CDK14: variants seen among roughly 807,000 people sequenced by gnomAD.
The protein encoded by CDK14 is cyclin dependent kinase 14.
In CDK14, 34 loss-of-function variants were observed where a neutral mutation model predicts 60.7. The observed-to-expected ratio is 0.56, with a 90% CI of 0.43 to 0.75. The LOEUF (loss-of-function observed/expected upper bound fraction) is 0.75, where lower values mean the gene tolerates loss of function less well. CDK14 is among the 30% of genes least tolerant of loss of function. CDK14 has a pLI of 0.00. For synonymous variants in CDK14, 197 were observed against 203.7 expected, an observed-to-expected ratio of 0.97 and a Z score of 0.28; for missense variants, 482 against 564.1, an observed-to-expected ratio of 0.85 and a Z score of 1.47.
chr7:90,816,603 A>G (rs904989736), intron 5 of CDK14, among the ~76,000 whole-genome samples: 2 of 152,176 alleles, frequency 1.3e-5, no homozygotes, highest in African/African-American at 4.8e-5. Context: ...GAAAGAGGAG[A>G]TATAACAAGA....
chr7:90,897,412 G>A lies in CDK14; in HGVS notation c.640-1879G>A, dbSNP rs115759038. Among the ~76,000 whole-genome samples, 1,157 of 152,064 alleles carry A rather than the reference G, an allele frequency of 7.6e-3. 17 individuals carry two copies. Among genetic ancestry groups the A allele is most frequent in the African/African-American group, 0.027 (1,115 of 41,508 alleles). On this transcript the variant is annotated intron_variant, in intron 6 of 14. Transcript: ENST00000380050. Reference sequence around the variant, plus strand: ...CATGTGATTATTGATATGGTTGGATGTACTTTTCTTTTACCATTTTGTTTC... The same window carrying A: ...CATGTGATTATTGATATGGTTGGATATACTTTTCTTTTACCATTTTGTTTC...
intron 8 of CDK14, among the ~76,000 whole-genome samples, chr7:90,920,189 T>A (rs1344651052): frequency 1.3e-5 from 2 of 152,182 alleles, no homozygotes; most frequent in Non-Finnish European, 2.9e-5. Flanking sequence ...CAGAATAGGA[T>A]GGTTCCAGGC....
At chr7:91,075,465 C>A (rs1463375313) in intron 11 of CDK14, among the ~76,000 whole-genome samples, 1 of 152,038 alleles carries the variant, frequency 6.6e-6, no homozygotes, top group East Asian at 1.9e-4. Context: ...GATGGAAGTA[C>A]CTCCAAATAA....
At chr7:90,930,264 T>G (rs1793548705) in intron 8 of CDK14, among the ~76,000 whole-genome samples, 1 of 152,174 alleles carries the variant, frequency 6.6e-6, no homozygotes, top group African/African-American at 2.4e-5. Context: ...ATTGCCAAAA[T>G]GTATGATTTG....
chr7:90,767,970 A>G (rs533544856), intron 4 of CDK14, among the ~76,000 whole-genome samples: 8 of 152,238 alleles, frequency 5.3e-5, no homozygotes, highest in Admixed American at 1.3e-4. Context: ...CTTTGTTCTC[A>G]TGTTTTTAGT....
chr7:90,749,198 G>A (rs182944644), intron 4 of CDK14, among the ~76,000 whole-genome samples: 256 of 151,796 alleles, frequency 1.7e-3, no homozygotes, highest in African/African-American at 5.9e-3. Flanking sequence ...TTCCACACCC[G>A]GGCAGATCTC....
At chr7:90,605,874 A>G (rs190241427) in intron 2 of CDK14, among the ~76,000 whole-genome samples, 25 of 152,276 alleles carry the variant, frequency 1.6e-4, no homozygotes, top group African/African-American at 5.5e-4. Flanking sequence ...TTTCTTGCTT[A>G]AACACTGTTG....
At position 91,198,297 on chromosome 7, in the gene CDK14, A is replaced by G. The variant is rs1802615696; in HGVS notation, c.*29-8868A>G. On this transcript the variant is annotated intron_variant, in intron 14 of 14. Transcript: ENST00000380050. ...AGGTAAAGGGTAGTCCACTTCAAAT[A>G]TATTGAACTTGATAAGCGCAGCACT... 2.0e-5 allele frequency among the ~76,000 whole-genome samples: 3 copies of G among 152,212 alleles called. No homozygotes were observed. The South Asian group carries it at 6.2e-4, about 32-fold the overall frequency.
At chr7:91,136,667 T>C (rs531611967) in intron 14 of CDK14, among the ~76,000 whole-genome samples, 2 of 152,268 alleles carry the variant, frequency 1.3e-5, no homozygotes, top group Non-Finnish European at 2.9e-5. Flanking sequence ...TATGTACGTA[T>C]TTACATAGAG....
chr7:90,790,993 G>C (rs1584895938), intron 5 of CDK14, among the ~76,000 whole-genome samples: 1 of 152,088 alleles, frequency 6.6e-6, no homozygotes, highest in Admixed American at 6.6e-5. Flanking sequence ...TGATTTTTAA[G>C]GAAAAATCTT....
At chr7:91,086,957 A>G (rs770907802) in intron 12 of CDK14, among the ~76,000 whole-genome samples, 1 of 152,136 alleles carries the variant, frequency 6.6e-6, no homozygotes, top group Non-Finnish European at 1.5e-5. Flanking sequence ...GTTTTTTTGC[A>G]GCTTTATTGC....
intron 14 of CDK14, among the ~76,000 whole-genome samples, chr7:91,188,666 G>A (rs554139194): frequency 3.9e-5 from 6 of 152,274 alleles, no homozygotes; most frequent in South Asian, 2.1e-4. Flanking sequence ...AGCCCAAATC[G>A]TCTGTCTTGG....
At chr7:91,113,025 G>T (rs534230062) in intron 13 of CDK14, among the ~76,000 whole-genome samples, 1 of 152,098 alleles carries the variant, frequency 6.6e-6, no homozygotes, top group South Asian at 2.1e-4. Flanking sequence ...TTGATTATGT[G>T]TGTGTCCAAA....
At chr7:90,603,721 A>G (rs1280260734) in intron 1 of CDK14, among the ~76,000 whole-genome samples, 1 of 152,218 alleles carries the variant, frequency 6.6e-6, no homozygotes, top group African/African-American at 2.4e-5. Flanking sequence ...TGTTTAAATT[A>G]TGTCTCTTAC....
At chr7:91,080,721 T>C (rs550405044) in intron 12 of CDK14, among the ~76,000 whole-genome samples, 1 of 152,322 alleles carries the variant, frequency 6.6e-6, no homozygotes, top group Admixed American at 6.5e-5. Context: ...TAAGACATCA[T>C]TCCTTCCAAC....
intron 14 of CDK14, among the ~76,000 whole-genome samples, chr7:91,133,797 A>G (rs567531461): frequency 1.3e-5 from 2 of 152,278 alleles, no homozygotes; most frequent in Admixed American, 6.5e-5. Flanking sequence ...GATGGGTCCA[A>G]GTTCTTTGAC....
chr7:90,833,661 C>G (rs1420888379), intron 5 of CDK14, among the ~76,000 whole-genome samples: 1 of 152,122 alleles, frequency 6.6e-6, no homozygotes, highest in Non-Finnish European at 1.5e-5. Flanking sequence ...TTGGATAAAG[C>G]ACCAGATAGT....
At chr7:90,884,283 G>T (rs1791871293) in intron 6 of CDK14, among the ~76,000 whole-genome samples, 1 of 151,840 alleles carries the variant, frequency 6.6e-6, no homozygotes, top group Non-Finnish European at 1.5e-5. Context: ...ACTCCTTTAT[G>T]GTAACAGTAG....
chr7:91,181,241 T>G (rs1321970758), intron 14 of CDK14, among the ~76,000 whole-genome samples: 1 of 152,188 alleles, frequency 6.6e-6, no homozygotes, highest in Non-Finnish European at 1.5e-5. Context: ...TCTATTCACC[T>G]TTCTTTCTTC....
Sources: gnomAD v4.1 joint callset for allele counts (sites outside exome capture counted in the v4.1 genomes callset) on GRCh38, gnomAD v4.1.1 for gene constraint, MANE v1.5 for transcripts, NCBI Gene and HGNC (gene_info 2026-07-23, HGNC 2026-07-21) for gene names.